Variants in TAOK1 observed in about 807,000 individuals in gnomAD.
TAOK1 encodes the protein serine/threonine-protein kinase TAO1.
TAOK1 carries 21 observed loss-of-function variants against 138.3 expected under a neutral mutation model. That is an observed-to-expected ratio of 0.15 (90% confidence interval 0.11 to 0.22). The LOEUF is 0.22. Ranked by LOEUF, TAOK1 falls within the 10% of genes least tolerant of loss-of-function variation. TAOK1 has a pLI of 1.00. For synonymous variants in TAOK1, 361 were observed against 398.4 expected (o/e 0.91, Z 1.12); for missense variants, 651 against 1,227.7 (o/e 0.53, Z 7.02).
Position 29,475,783 on chromosome 17 carries a change from T to A in TAOK1, c.306+12T>A. On this transcript the variant is annotated intron_variant, in intron 4 of 19. Transcript: ENST00000261716. ...AACACACAGCATGGGTTGGTATTTG[T>A]TCTCCCCTTGTTGCAGTTTTAGCTG... The A allele has an allele frequency of 6.3e-7, 1 of 1,594,478 alleles. No individual in the cohort carries two copies. Among genetic ancestry groups the A allele is most frequent in the Non-Finnish European group, 8.6e-7 (1 of 1,163,600 alleles).
intron 12 of TAOK1, 70 bp from the exon 13 acceptor site, chr17:29,502,519 C>T: frequency 2.0e-6 from 3 of 1,501,434 alleles, no homozygotes; most frequent in South Asian, 1.3e-5. Flanking sequence ...TGTCTTTAAA[C>T]TTTAATTTCC....
At chr17:29,486,634 G>GAA (rs369044551) in intron 8 of TAOK1, among the ~76,000 whole-genome samples, 1 of 142,796 alleles carries the variant, frequency 7.0e-6, no homozygotes. Context: ...TCTGACTCAA[G>GAA]AAAAAAAAAA....
chr17:29,538,110 C>CA (rs752543117), intron 19 of TAOK1, among the ~76,000 whole-genome samples: 4,005 of 64,358 alleles, frequency 0.062, 108 homozygotes, highest in African/African-American at 0.12. Flanking sequence ...GACTCCATCT[C>CA]AAAAAAAAAA....
chr17:29,440,148 A>G (rs1487802529), intron 1 of TAOK1, among the ~76,000 whole-genome samples: 1 of 152,224 alleles, frequency 6.6e-6, no homozygotes, highest in Non-Finnish European at 1.5e-5. Flanking sequence ...ACACTTGAGA[A>G]TAGTCACAAC....
At chr17:29,417,089 C>T (rs1309374515) in intron 1 of TAOK1, among the ~76,000 whole-genome samples, 1 of 152,144 alleles carries the variant, frequency 6.6e-6, no homozygotes, top group East Asian at 1.9e-4. Context: ...TCTCGGCTCA[C>T]TGCAACCTCC....
intron 1 of TAOK1, among the ~76,000 whole-genome samples, chr17:29,447,654 A>T (rs907047928): frequency 1.3e-4 from 19 of 147,292 alleles, no homozygotes; most frequent in Non-Finnish European, 1.1e-4. Context: ...ATTTTATTTT[A>T]TTTTATTTTT....
intron 9 of TAOK1, among the ~76,000 whole-genome samples, chr17:29,491,460 A>G (rs1057302822): frequency 2.0e-5 from 3 of 152,012 alleles, no homozygotes; most frequent in African/African-American, 7.2e-5. Flanking sequence ...ATAGAAAGGA[A>G]TGTTATCTTG....
intron 15 of TAOK1, chr17:29,514,742 A>G (rs2031782661): frequency 1.3e-5 from 2 of 152,066 alleles, no homozygotes; most frequent in Non-Finnish European, 2.9e-5. Context: ...TGCTTATAAC[A>G]GCACTTTGGG....
rs1455965878 is a variant in TAOK1, at chr17:29,533,545, G to T, written c.2362-573G>T. ...GATCACCCCACTGCACTCCAGCCTG[G>T]GCACCATTGAGCACTGAGTGAACGA... On this transcript the variant is annotated intron_variant, in intron 18 of 19. Transcript: ENST00000261716. 5.3e-5 allele frequency among the ~76,000 whole-genome samples: 8 copies of T among 151,970 alleles called. No homozygotes were observed. The East Asian group carries it at 1.5e-3, about 29-fold the overall frequency.
chr17:29,432,364 T>G lies in TAOK1; in HGVS notation c.-94-19091T>G, dbSNP rs1242514663. Among the ~76,000 whole-genome samples the G allele has an allele frequency of 2.0e-5, 3 of 152,222 alleles. No homozygotes were observed. In the East Asian group the frequency reaches 5.8e-4, roughly 29 times the overall value. On this transcript the variant is annotated intron_variant, in intron 1 of 19. Transcript: ENST00000261716. ...GCCTTAAGCAGTTTTCCATCCTGGG[T>G]GGGCCAGGTGTTCCTTGCCCTCATT...
chr17:29,437,328 C>G, intron 1 of TAOK1, among the ~76,000 whole-genome samples: 1 of 152,008 alleles, frequency 6.6e-6, no homozygotes, highest in East Asian at 1.9e-4. Flanking sequence ...TCCAAAAGCA[C>G]TGGGATTACA....
intron 1 of TAOK1, among the ~76,000 whole-genome samples, chr17:29,444,106 C>G (rs1468683600): frequency 7.6e-6 from 1 of 130,846 alleles, no homozygotes; most frequent in African/African-American, 2.9e-5. Context: ...CAGAGTGAGA[C>G]TGTCTCAGAA....
rs767634393 is a variant in TAOK1 at position 29,550,061 on chromosome 17, T to A, written c.*7039T>A. On this transcript the variant is annotated 3_prime_UTR_variant, in exon 20 of 20. Coordinates refer to ENST00000261716, the MANE Select transcript of TAOK1 (RefSeq NM_020791.4). The stretch of plus-strand genomic sequence containing the variant: ...TATTTTATCACACCTTGACACCTTA[T>A]ATATGAGCCTATTAGGAGCTGCAGG... The A allele has an allele frequency of 2.6e-5, 4 of 152,136 alleles. No homozygotes were observed. The highest frequency in any genetic ancestry group is 5.9e-5 in the Non-Finnish European group (4 of 68,004). The allele number at this position is 152,136 out of a possible 1,614,324, so 9.4% of individuals were successfully genotyped here. A position where few individuals can be genotyped will look rare whatever the true frequency, so the allele number is the denominator to read the frequency against.
At chr17:29,520,402 C>A (rs1423918341) in intron 16 of TAOK1, among the ~76,000 whole-genome samples, 1 of 151,398 alleles carries the variant, frequency 6.6e-6, no homozygotes, top group Non-Finnish European at 1.5e-5. Flanking sequence ...CTGTCCTGGG[C>A]AACATCGCAA....
intron 3 of TAOK1, among the ~76,000 whole-genome samples, chr17:29,471,643 G>A (rs1381159534): frequency 6.6e-6 from 1 of 152,072 alleles, no homozygotes; most frequent in Admixed American, 6.5e-5. Context: ...TACTATTTTT[G>A]CTGGTTGAGA....
At chr17:29,395,088 A>T (rs1353021834) in intron 1 of TAOK1, among the ~76,000 whole-genome samples, 1 of 151,216 alleles carries the variant, frequency 6.6e-6, no homozygotes, top group East Asian at 2.0e-4. Flanking sequence ...AAAGATAAAA[A>T]ATGAAAATAT....
chr17:29,506,125 A>G (rs2153029059), intron 13 of TAOK1, among the ~76,000 whole-genome samples: 1 of 152,352 alleles, frequency 6.6e-6, no homozygotes, highest in African/African-American at 2.4e-5. Context: ...ACATATTTAA[A>G]GGAACTGAAA....
chr17:29,492,370 G>A (rs911990309), intron 10 of TAOK1, among the ~76,000 whole-genome samples: 7 of 152,118 alleles, frequency 4.6e-5, no homozygotes, highest in African/African-American at 1.7e-4. Flanking sequence ...TTGATTAGCT[G>A]CTCTTACCAT....
At chr17:29,534,747 A>G (rs1225780788) in intron 19 of TAOK1, among the ~76,000 whole-genome samples, 2 of 152,236 alleles carry the variant, frequency 1.3e-5, no homozygotes, top group Non-Finnish European at 1.5e-5. Context: ...GCCTGGAGCT[A>G]TACAGATTGG....
Sources: gnomAD v4.1 joint callset for allele counts (sites outside exome capture counted in the v4.1 genomes callset) on GRCh38, gnomAD v4.1.1 for gene constraint, MANE v1.5 for transcripts, NCBI Gene and HGNC (gene_info 2026-07-23, HGNC 2026-07-21) for gene names.